The following LIPI variants were observed in gnomAD, a reference collection of about 807,000 sequenced individuals.
LIPI encodes lipase I, also known as lipase member I.
LIPI carries 59 observed loss-of-function variants against 50.6 expected under a neutral mutation model. That is an observed-to-expected ratio of 1.16 (90% CI 0.94 to 1.45). The LOEUF (loss-of-function observed/expected upper bound fraction) is 1.45. LIPI is among the 40% of genes most tolerant of loss of function. The pLI is 0.00. For missense variants in LIPI, 586 were observed against 536.3 expected (o/e 1.09, Z -0.92); for synonymous variants, 203 against 178.2 (o/e 1.14, Z -1.11).
rs2018286421 is a variant in LIPI at position 14,156,716 on chromosome 21, TAAG to T, written c.1007-4035_1007-4033del. 7.2e-5 allele frequency among the ~76,000 whole-genome samples: 11 copies of T among 151,954 alleles called. No individual in the cohort carries two copies. In the South Asian group the frequency reaches 2.3e-3, roughly 32 times the overall value. On this transcript the variant is annotated intron_variant, in intron 7 of 9. Transcript: ENST00000681601. ...GGAAAAGTGGCTTCTAAATTAGAAA[TAAG>T]AAGAAGCTGGAAAAATTTTTAGGAA...
At chr21:14,144,524 CAG>C (rs1320272142) in intron 9 of LIPI, 97 bp downstream of exon 9, 4 of 646,116 alleles carry the variant, frequency 6.2e-6, no homozygotes, top group Non-Finnish European at 8.3e-6. Flanking sequence ...ACACAATAAA[CAG>C]ATATTTGAAT....
At chr21:14,175,453 A>T (rs2019061450) in intron 4 of LIPI, among the ~76,000 whole-genome samples, 3 of 151,876 alleles carry the variant, frequency 2.0e-5, no homozygotes, top group Admixed American at 6.6e-5. Context: ...TTTATTACTG[A>T]CTGATAGTAG....
intron 9 of LIPI, among the ~76,000 whole-genome samples, chr21:14,124,636 C>T (rs912341007): frequency 3.9e-5 from 6 of 152,154 alleles, no homozygotes; most frequent in African/African-American, 7.2e-5. Flanking sequence ...TGCCTAAGTA[C>T]GCTTCCTGCA....
chr21:14,175,901 G>T (rs1333352643), intron 4 of LIPI, among the ~76,000 whole-genome samples: 1 of 152,052 alleles, frequency 6.6e-6, no homozygotes, highest in African/African-American at 2.4e-5. Flanking sequence ...CAAGTGGGCC[G>T]GGCGCGGTGG....
At chr21:14,194,804 A>C (rs2123305553) in intron 1 of LIPI, among the ~76,000 whole-genome samples, 1 of 152,332 alleles carries the variant, frequency 6.6e-6, no homozygotes, top group East Asian at 1.9e-4. Flanking sequence ...AAATGGCTAA[A>C]ATAATAATTT....
At chr21:14,143,544 T>G (rs1454684824) in intron 9 of LIPI, 3 of 152,076 alleles carry the variant, frequency 2.0e-5, no homozygotes, top group Non-Finnish European at 4.4e-5. Flanking sequence ...GACAAGAAGA[T>G]AATTAGGAAA....
intron 4 of LIPI, among the ~76,000 whole-genome samples, chr21:14,176,350 G>A (rs1485287920): frequency 6.6e-6 from 1 of 151,636 alleles, no homozygotes; most frequent in Non-Finnish European, 1.5e-5. Flanking sequence ...ATTTCTGTGT[G>A]TTTCTATCGT....
intron 8 of LIPI, 24 bp from the exon 9 acceptor site, chr21:14,144,823 C>T (rs2017843828): frequency 2.7e-6 from 4 of 1,465,342 alleles, no homozygotes; most frequent in South Asian, 1.1e-5. Context: ...TTGATACACG[C>T]AGCATATTAA....
intron 9 of LIPI, among the ~76,000 whole-genome samples, chr21:14,129,153 T>C (rs1423728565): frequency 1.3e-5 from 2 of 152,040 alleles, no homozygotes; most frequent in African/African-American, 2.4e-5. Flanking sequence ...TGTGTATTTA[T>C]AGATAAGAGA....
rs1047597029 is a variant in LIPI at position 14,110,514 on chromosome 21, G to A, written c.1296-1434C>T. 3.3e-5 allele frequency among the ~76,000 whole-genome samples: 5 copies of A among 151,938 alleles called. No homozygotes were observed. The East Asian group carries it at 9.6e-4, about 29-fold the overall frequency. On this transcript the variant is annotated intron_variant, in intron 9 of 9. Transcript: ENST00000681601. ...TTCAACATCTACTCTGCATTTTTCAGGAATATAATATTTTGTTATTAACTG... is the reference window on the plus strand; with the variant it reads ...TTCAACATCTACTCTGCATTTTTCAAGAATATAATATTTTGTTATTAACTG...
intron 9 of LIPI, among the ~76,000 whole-genome samples, chr21:14,136,029 G>T (rs193075461): frequency 6.6e-6 from 1 of 152,252 alleles, no homozygotes; most frequent in African/African-American, 2.4e-5. Flanking sequence ...CCTGTTCCAG[G>T]CTCTAGCTCC....
chr21:14,184,587 C>G (rs548072721), intron 3 of LIPI, among the ~76,000 whole-genome samples: 1 of 152,106 alleles, frequency 6.6e-6, no homozygotes, highest in Admixed American at 6.6e-5. Flanking sequence ...TTATTTAACC[C>G]ACTTGACTGA....
In LIPI at chr21:14,132,527, G is replaced by T. The variant is rs143972759; in HGVS notation, c.1295+12096C>A. Among the ~76,000 whole-genome samples, 198 of 152,172 alleles carry T rather than the reference G, an allele frequency of 1.3e-3. 1 individual carries two copies. The highest frequency in any genetic ancestry group is 4.4e-3 in the African/African-American group (183 of 41,526). ...TATTTCCCAGACAAGCAAATGCAAA[G>T]AAAATTTTTCACCAATTAACAAGTC... On this transcript the variant is annotated intron_variant, in intron 9 of 9. Transcript: ENST00000681601.
chr21:14,171,202 A>T (rs2018890611), intron 4 of LIPI, among the ~76,000 whole-genome samples: 1 of 151,206 alleles, frequency 6.6e-6, no homozygotes, highest in African/African-American at 2.4e-5. Context: ...ACCACTGCTC[A>T]ATGAAATAAA....
chr21:14,144,415 T>A (rs2017826076), intron 9 of LIPI: 1 of 403,238 alleles, frequency 2.5e-6, no homozygotes, highest in Admixed American at 4.1e-5. Flanking sequence ...ATTTTTTCTT[T>A]GATTAGACAA....
chr21:14,155,556 A>G (rs2018244158), intron 7 of LIPI, among the ~76,000 whole-genome samples: 1 of 152,018 alleles, frequency 6.6e-6, no homozygotes, highest in South Asian at 2.1e-4. Context: ...CAAAGAAATA[A>G]AAGTCTTGAA....
chr21:14,181,856 A>G lies in LIPI; in HGVS notation c.545T>C (p.Leu182Pro). Reference protein sequence around the residue: ...FHGQLGRITGLDPAGPRFSRK... With the variant: ...FHGQLGRITGPDPAGPRFSRK... ...GGAGAACCTTGGCCCAGCAGGGTCAAGACCTGGAAAGCAAGAAAGAAATAA... is the reference window on the plus strand; with the variant it reads ...GGAGAACCTTGGCCCAGCAGGGTCAGGACCTGGAAAGCAAGAAAGAAATAA... The change falls in exon 4 of 10, where the codon CTT (leucine) becomes CCT (proline). Residue 182 changes from leucine to proline, a missense_variant. By Grantham distance (98) the Leu-to-Pro change is moderately conservative. Coordinates refer to ENST00000681601, the MANE Select transcript of LIPI (RefSeq NM_001302998.2). 6.3e-7 allele frequency: 1 copy of G among 1,581,436 alleles called. No individual in the cohort carries two copies. The highest frequency in any genetic ancestry group is 8.7e-7 in the Non-Finnish European group (1 of 1,151,094).
chr21:14,204,995 G>T (rs2020185340), intron 1 of LIPI, among the ~76,000 whole-genome samples: 1 of 151,346 alleles, frequency 6.6e-6, no homozygotes, highest in Non-Finnish European at 1.5e-5. Flanking sequence ...TCAATATAAG[G>T]TAGGAAAGGA....
chr21:14,144,802 A>C lies in LIPI; in HGVS notation c.1119-3T>G. ...GTTTATAAAATGGTTTGTTCTTTCT[A>C]GAGAGAAAATTTGATACACGCAGCA... On this transcript the variant is annotated splice_polypyrimidine_tract_variant and splice_region_variant and intron_variant, in intron 8 of 9. Coordinates refer to ENST00000681601, the MANE Select transcript of LIPI (RefSeq NM_001302998.2). 6.4e-7 allele frequency: 1 copy of C among 1,551,822 alleles called. No homozygotes were observed. Among genetic ancestry groups the C allele is most frequent in the Non-Finnish European group, 8.9e-7 (1 of 1,125,446 alleles).
Sources: allele counts gnomAD v4.1 joint callset (sites outside exome capture counted in the v4.1 genomes callset), GRCh38; gene constraint gnomAD v4.1.1; transcripts MANE v1.5; gene names NCBI Gene and HGNC (gene_info 2026-07-23, HGNC 2026-07-21).